The following GK5 variants were observed in gnomAD, a reference collection of about 807,000 sequenced individuals.
GK5 encodes ATP:glycerol 3-phosphotransferase 5.
In GK5, 39 loss-of-function variants were observed where a neutral mutation model predicts 77.3. That is an observed-to-expected ratio of 0.50 (90% confidence interval 0.39 to 0.66). GK5 has a LOEUF of 0.66. GK5 is among the 30% of genes least tolerant of loss of function. The pLI is 0.00. For synonymous variants in GK5, 211 were observed against 208.0 expected, an observed-to-expected ratio of 1.01 and a Z score of -0.13; for missense variants, 487 against 633.8, an observed-to-expected ratio of 0.77 and a Z score of 2.49.
chr3:142,172,331 A>C lies in GK5; in HGVS notation c.1247+22T>G, dbSNP rs756934133. ...TGGCAATATTCTATGGGGAAGGGGA[A>C]GTTTAGGGCAGGTTTTCATACCTGA... is the stretch of plus-strand genomic sequence containing the variant. On this transcript the variant is annotated intron_variant, in intron 13 of 15. Transcript: ENST00000392993. 1.1e-5 allele frequency: 12 copies of C among 1,136,664 alleles called. No homozygotes were observed. In the South Asian group the frequency reaches 1.7e-4, roughly 16 times the overall value. The allele number at this position is 1,136,664 out of a possible 1,614,324, so 70.4% of individuals were successfully genotyped here. A position where few individuals can be genotyped will look rare whatever the true frequency, so the allele number is the denominator to read the frequency against.
intron 2 of GK5, among the ~76,000 whole-genome samples, chr3:142,214,436 T>C (rs1487494355): frequency 6.6e-6 from 1 of 152,230 alleles, no homozygotes; most frequent in East Asian, 1.9e-4. Flanking sequence ...TGTGATATTC[T>C]TTAAAAATCT....
intron 5 of GK5, among the ~76,000 whole-genome samples, chr3:142,198,228 T>C (rs535199874): frequency 6.6e-6 from 1 of 152,260 alleles, no homozygotes; most frequent in East Asian, 1.9e-4. Context: ...AATGAAAATA[T>C]AAGCAAAGTA....
At chr3:142,190,603 T>A (rs552323857) in intron 5 of GK5, among the ~76,000 whole-genome samples, 2 of 152,290 alleles carry the variant, frequency 1.3e-5, no homozygotes, top group Non-Finnish European at 2.9e-5. Flanking sequence ...TAAACCTAGA[T>A]AATAAGCACA....
At chr3:142,188,807 C>T (rs2063809899) in intron 5 of GK5, among the ~76,000 whole-genome samples, 1 of 152,242 alleles carries the variant, frequency 6.6e-6, no homozygotes, top group Non-Finnish European at 1.5e-5. Context: ...AGCTTATACC[C>T]CCAAAGCCTA....
chr3:142,197,946 C>G (rs2063958594), intron 5 of GK5, among the ~76,000 whole-genome samples: 1 of 151,572 alleles, frequency 6.6e-6, no homozygotes, highest in Non-Finnish European at 1.5e-5. Context: ...TCGCTTGAAC[C>G]TGGGAGGCAG....
rs756734051 is a variant in GK5 at position 142,186,415 on chromosome 3, A to C, written c.681+37T>G. The C allele has an allele frequency of 2.5e-6, 3 of 1,209,848 alleles. No homozygotes were observed. The South Asian group carries it at 4.4e-5, about 18-fold the overall frequency. 74.9% of individuals were successfully genotyped at this position (1,209,848 alleles called of 1,614,324 possible). A position where few individuals can be genotyped will look rare whatever the true frequency, so the allele number is the denominator to read the frequency against. ...TTTAAATCTATCTATATTACACAAAAATGTGTGATTCAAAAAGAAGAAAAA... is the reference window on the plus strand; with the variant it reads ...TTTAAATCTATCTATATTACACAAACATGTGTGATTCAAAAAGAAGAAAAA... On this transcript the variant is annotated intron_variant, in intron 7 of 15. Coordinates refer to ENST00000392993, the MANE Select transcript of GK5 (RefSeq NM_001039547.3).
intron 15 of GK5, 156 bp downstream of exon 15, chr3:142,170,169 A>G: frequency 1.3e-6 from 1 of 799,422 alleles, no homozygotes; most frequent in Non-Finnish European, 2.2e-6. Context: ...AGAGGAGGTC[A>G]CAGGATATTT....
intron 12 of GK5, among the ~76,000 whole-genome samples, chr3:142,176,143 C>T (rs545389318): frequency 4.2e-4 from 64 of 152,030 alleles, no homozygotes; most frequent in East Asian, 3.7e-3. Flanking sequence ...CACAAGCTCT[C>T]GGTCCTTTAG....
In GK5 at chr3:142,159,853, CTTTT is replaced by C. The variant is rs748129972; in HGVS notation, c.*5765_*5768del. The C allele has an allele frequency of 9.4e-6, 1 of 106,124 alleles. No individual in the cohort carries two copies. The highest frequency in any genetic ancestry group is 4.1e-5 in the African/African-American group (1 of 24,254). The allele number at this position is 106,124 out of a possible 1,614,324, so 6.6% of individuals were successfully genotyped here. ...TTTCTCTCTCTCTCTCTCTCTCTCTCTTTTTTTTTTTTGAGACAGAGTCTCGCTC... is the reference window on the plus strand; with the variant it reads ...TTTCTCTCTCTCTCTCTCTCTCTCTCTTTTTTTTGAGACAGAGTCTCGCTC... On this transcript the variant is annotated 3_prime_UTR_variant, in exon 16 of 16. Coordinates refer to ENST00000392993, the MANE Select transcript of GK5 (RefSeq NM_001039547.3).
chr3:142,192,840 AAT>A (rs1245194487), intron 5 of GK5, among the ~76,000 whole-genome samples: 1 of 152,194 alleles, frequency 6.6e-6, no homozygotes, highest in Admixed American at 6.5e-5. Context: ...GATAAAAAGA[AAT>A]GAGCTAACAA....
At chr3:142,165,916 T>C (rs1205368063) in intron 15 of GK5, 146 bp from the exon 16 acceptor site, 2 of 556,806 alleles carry the variant, frequency 3.6e-6, no homozygotes, top group African/African-American at 3.9e-5. Flanking sequence ...TTTTGAATTT[T>C]GTTAGATCGA....
chr3:142,225,558 G>C lies in GK5; in HGVS notation c.-103C>G. 2 of 1,425,382 alleles carry C rather than the reference G, an allele frequency of 1.4e-6. No homozygotes were observed. Among genetic ancestry groups the C allele is most frequent in the South Asian group, 1.3e-5 (1 of 77,750 alleles). The allele number at this position is 1,425,382 out of a possible 1,614,324, so 88.3% of individuals were successfully genotyped here. On this transcript the variant is annotated 5_prime_UTR_variant, in exon 1 of 16. Transcript: ENST00000392993. ...GGCGGCCCAACCCGGGCCCCAACCC[G>C]GCTCAGCCGGAGAGCCTAGAGAGGC...
At chr3:142,186,536 A>C (rs568640893) in intron 6 of GK5, 23 bp from the exon 7 acceptor site, 1 of 1,154,356 alleles carries the variant, frequency 8.7e-7, no homozygotes, top group Non-Finnish European at 1.3e-6. Context: ...AGGAAATAAT[A>C]CATTTATTAT....
rs770379276 is a variant in GK5, at chr3:142,162,459, A to C, written c.*3163T>G. On this transcript the variant is annotated 3_prime_UTR_variant, in exon 16 of 16. Transcript: ENST00000392993. Reference sequence around the variant, plus strand: ...TATCCAGTCCAAAATGTCAATGCTGAGATTAGGAAACCATGCCATGGTTGG... The same window carrying C: ...TATCCAGTCCAAAATGTCAATGCTGCGATTAGGAAACCATGCCATGGTTGG... 6 of 152,226 alleles carry C rather than the reference A, an allele frequency of 3.9e-5. No homozygotes were observed. Among genetic ancestry groups the C allele is most frequent in the Admixed American group, 6.5e-5 (1 of 15,276 alleles). The allele number at this position is 152,226 out of a possible 1,614,324, so 9.4% of individuals were successfully genotyped here.
intron 9 of GK5, 122 bp downstream of exon 9, chr3:142,185,807 A>C (rs1311766997): frequency 1.3e-6 from 2 of 1,550,056 alleles, no homozygotes; most frequent in Non-Finnish European, 1.7e-6. Flanking sequence ...AAAAAGAAAA[A>C]AAAATACTTT....
chr3:142,204,785 T>G lies in GK5; in HGVS notation c.321A>C (p.Lys107Asn). 2.0e-6 allele frequency: 3 copies of G among 1,525,898 alleles called. No homozygotes were observed. The highest frequency in any genetic ancestry group is 2.7e-6 in the Non-Finnish European group (3 of 1,113,110). The allele number at this position is 1,525,898 out of a possible 1,614,324, so 94.5% of individuals were successfully genotyped here. A position where few individuals can be genotyped will look rare whatever the true frequency, so the allele number is the denominator to read the frequency against. ...TAAAGTTGTGAAAATGATTTCCTGT[T>G]TTCCTAGAAAGAATAAAACAGTATT... The part of the protein sequence containing the change: ...QRATFITWNK[K>N]TGNHFHNFIS... Residue 107 changes from lysine to asparagine, a missense_variant, in exon 4 of 16, where the codon AAA becomes AAC. Physicochemically the swap from Lys to Asn is moderately conservative, Grantham distance 94. Around this residue, in one of 4 missense-constraint regions of GK5, gnomAD observed 323 missense variants for 437.4 expected, o/e 0.74. Transcript: ENST00000392993.
chr3:142,185,145 A>G (rs4525888), intron 9 of GK5: 405,289 of 981,362 alleles, frequency 0.41, 89,311 homozygotes, highest in African/African-American at 0.82. Context: ...TGGCACAGTG[A>G]CTCATGCCTG....
chr3:142,225,564 G>T lies in GK5; in HGVS notation c.-109C>A. 1 of 1,393,052 alleles carries T rather than the reference G, an allele frequency of 7.2e-7. No homozygotes were observed. The highest frequency in any genetic ancestry group is 9.6e-7 in the Non-Finnish European group (1 of 1,043,790). The allele number at this position is 1,393,052 out of a possible 1,614,324, so 86.3% of individuals were successfully genotyped here. A position where few individuals can be genotyped will look rare whatever the true frequency, so the allele number is the denominator to read the frequency against. On this transcript the variant is annotated 5_prime_UTR_variant, in exon 1 of 16. It adds an upstream start codon to the 5' untranslated region. Coordinates refer to ENST00000392993, the MANE Select transcript of GK5 (RefSeq NM_001039547.3). ...CCAACCCGGGCCCCAACCCGGCTCA[G>T]CCGGAGAGCCTAGAGAGGCCTGGCC...
Position 142,159,847 on chromosome 3 carries a change from C to CTTTTTTTTTTTTTTT in GK5, c.*5774_*5775insAAAAAAAAAAAAAAA, listed in dbSNP as rs1407448771. On this transcript the variant is annotated 3_prime_UTR_variant, in exon 16 of 16. Transcript: ENST00000392993. ...TGGGGCTTTCTCTCTCTCTCTCTCT[C>CTTTTTTTTTTTTTTT]TCTCTCTTTTTTTTTTTTGAGACAG... 11 of 103,210 alleles carry CTTTTTTTTTTTTTTT rather than the reference C, an allele frequency of 1.1e-4. No homozygotes were observed. Among genetic ancestry groups the CTTTTTTTTTTTTTTT allele is most frequent in the African/African-American group, 2.8e-4 (7 of 25,196 alleles). The allele number at this position is 103,210 out of a possible 1,614,324, so 6.4% of individuals were successfully genotyped here.
Sources: allele counts gnomAD v4.1 joint callset (sites outside exome capture counted in the v4.1 genomes callset), GRCh38; gene constraint gnomAD v4.1.1; regional missense constraint gnomAD v4.1.1; transcripts MANE v1.5; gene names NCBI Gene and HGNC (gene_info 2026-07-23, HGNC 2026-07-21).